The following PLEKHA6 variants were observed in gnomAD, a reference collection of about 807,000 sequenced individuals.
PLEKHA6 encodes the protein pleckstrin homology domain-containing family A member 6.
PLEKHA6 carries 60 observed loss-of-function variants against 116.7 expected under a neutral mutation model. The observed-to-expected ratio is 0.51, with a 90% confidence interval of 0.42 to 0.64. The LOEUF is 0.64. Ranked by LOEUF, PLEKHA6 falls within the 30% of genes least tolerant of loss-of-function variation. The probability of loss-of-function intolerance (pLI) is 0.00; values close to 1 mark genes in which losing one functional copy is unlikely to be tolerated. For synonymous variants in PLEKHA6, 489 were observed against 556.1 expected (o/e 0.88, Z 1.70); for missense variants, 1,338 against 1,422.7 (o/e 0.94, Z 0.96).
At chr1:204,310,341 A>G (rs1671612676) in intron 1 of PLEKHA6, among the ~76,000 whole-genome samples, 1 of 152,218 alleles carries the variant, frequency 6.6e-6, no homozygotes, top group Non-Finnish European at 1.5e-5. Flanking sequence ...TACTTCTATC[A>G]ATGTCAATGT....
At chr1:204,243,195 A>G (rs1663097538) in intron 15 of PLEKHA6, 2 of 399,244 alleles carry the variant, frequency 5.0e-6, no homozygotes, top group Admixed American at 4.4e-5. Flanking sequence ...TAGGGAGTGG[A>G]GGGACGGCTG....
At chr1:204,240,798 A>G (rs1662700400) in intron 17 of PLEKHA6, among the ~76,000 whole-genome samples, 2 of 152,208 alleles carry the variant, frequency 1.3e-5, no homozygotes, top group South Asian at 4.1e-4. Flanking sequence ...CAAAGTATTG[A>G]TCCTGGGTGT....
chr1:204,247,092 G>C (rs1663800917), intron 13 of PLEKHA6, among the ~76,000 whole-genome samples: 1 of 152,150 alleles, frequency 6.6e-6, no homozygotes, highest in African/African-American at 2.4e-5. Context: ...AGCTGTGACT[G>C]CGCCACTGCA....
chr1:204,266,848 C>A (rs1341475748), intron 5 of PLEKHA6, among the ~76,000 whole-genome samples: 1 of 152,220 alleles, frequency 6.6e-6, no homozygotes, highest in Non-Finnish European at 1.5e-5. Context: ...GCCACCATCA[C>A]TGACCTCAAC....
rs553050300 is a variant in PLEKHA6 at position 204,248,131 on chromosome 1, G to C, written c.1825-671C>G. 2.2e-3 allele frequency among the ~76,000 whole-genome samples: 334 copies of C among 149,324 alleles called. 1 individual carries two copies. The highest frequency in any genetic ancestry group is 4.0e-3 in the Non-Finnish European group (272 of 67,678). Reference sequence around the variant, plus strand: ...TCGGAAGGTCTGCCCTTACCTGCTGGGAAGTAGTGACCAGGGCAGCAGCCT... The same window carrying C: ...TCGGAAGGTCTGCCCTTACCTGCTGCGAAGTAGTGACCAGGGCAGCAGCCT... On this transcript the variant is annotated intron_variant, in intron 12 of 22. Transcript: ENST00000272203.
In PLEKHA6 at chr1:204,265,070, T is replaced by G. The variant is rs541518341; in HGVS notation, c.281-28A>C. 1.7e-4 allele frequency: 149 copies of G among 854,634 alleles called. No homozygotes were observed. In the African/African-American group the frequency reaches 2.6e-3, roughly 15 times the overall value. 52.9% of individuals were successfully genotyped at this position (854,634 alleles called of 1,614,324 possible). On this transcript the variant is annotated intron_variant, in intron 5 of 22. Coordinates refer to ENST00000272203, the MANE Select transcript of PLEKHA6 (RefSeq NM_014935.5). ...GTCAGGGAGAGAGGCACAAGAAGGG[T>G]GTGTGTGTGTGTGTGCAAGCGTGTG...
At chr1:204,269,447 T>C (rs868865053) in intron 3 of PLEKHA6, among the ~76,000 whole-genome samples, 4 of 140,502 alleles carry the variant, frequency 2.8e-5, no homozygotes, top group Non-Finnish European at 6.1e-5. Context: ...TGCTGGAGAA[T>C]AAAAAAAAAA....
rs1659634596 is a variant in PLEKHA6, at chr1:204,221,498, T to C, written c.*1290A>G. On this transcript the variant is annotated 3_prime_UTR_variant, in exon 23 of 23. Transcript: ENST00000272203. ...CTGCCCTCCCGGGGCAGGTGGATCA[T>C]GAGAGCGCCTAGCCTCAGCCAGTCC... is the stretch of plus-strand genomic sequence containing the variant. 1 of 152,626 alleles carries C rather than the reference T, an allele frequency of 6.6e-6. No individual in the cohort carries two copies. The highest frequency in any genetic ancestry group is 2.4e-5 in the African/African-American group (1 of 41,432). The allele number at this position is 152,626 out of a possible 1,614,324, so 9.5% of individuals were successfully genotyped here. A position where few individuals can be genotyped will look rare whatever the true frequency, so the allele number is the denominator to read the frequency against.
chr1:204,328,073 T>TATTC (rs1205114343), intron 1 of PLEKHA6, among the ~76,000 whole-genome samples: 2 of 150,198 alleles, frequency 1.3e-5, no homozygotes, highest in Non-Finnish European at 3.0e-5. Context: ...TTTATTTATT[T>TATTC]ATTTATTTAT....
At chr1:204,319,879 G>A (rs543919516) in intron 1 of PLEKHA6, among the ~76,000 whole-genome samples, 1 of 152,160 alleles carries the variant, frequency 6.6e-6, no homozygotes, top group African/African-American at 2.4e-5. Flanking sequence ...GAGGGAGGGA[G>A]GAAGAGTGGG....
intron 1 of PLEKHA6, among the ~76,000 whole-genome samples, chr1:204,308,680 TC>T: frequency 1.1e-5 from 1 of 90,130 alleles, no homozygotes; most frequent in African/African-American, 4.2e-5. Flanking sequence ...TAATTCTTTT[TC>T]TTTTTCTTTT....
chr1:204,230,354 G>A, intron 18 of PLEKHA6, 59 bp downstream of exon 18: 1 of 1,355,188 alleles, frequency 7.4e-7, no homozygotes, highest in Non-Finnish European at 1.0e-6. Context: ...CATGCCCTGG[G>A]AGTGGGCAGT....
At chr1:204,231,572 T>TC (rs1202265647) in intron 17 of PLEKHA6, among the ~76,000 whole-genome samples, 38 of 150,722 alleles carry the variant, frequency 2.5e-4, no homozygotes, top group African/African-American at 8.5e-4. Context: ...TTTCTTTCTT[T>TC]TTTTTTTTTT....
chr1:204,245,897 C>G (rs1289251259), intron 13 of PLEKHA6, among the ~76,000 whole-genome samples, 171 bp from the exon 14 acceptor site: 1 of 152,118 alleles, frequency 6.6e-6, no homozygotes, highest in South Asian at 2.1e-4. Context: ...CAGCAGTCAT[C>G]TTTCCCATGG....
chr1:204,335,563 T>C (rs1672618205), intron 1 of PLEKHA6, among the ~76,000 whole-genome samples: 1 of 152,048 alleles, frequency 6.6e-6, no homozygotes. Flanking sequence ...CCAGAGCAAC[T>C]GGGTTAAGGC....
intron 1 of PLEKHA6, among the ~76,000 whole-genome samples, chr1:204,310,773 A>T (rs1008365245): frequency 1.3e-5 from 2 of 152,194 alleles, no homozygotes; most frequent in African/African-American, 4.8e-5. Context: ...ACTCATCTAC[A>T]ATAAAAGCTA....
chr1:204,223,088 A>T lies in PLEKHA6; in HGVS notation c.*9-309T>A, dbSNP rs1659838532. On this transcript the variant is annotated intron_variant, in intron 22 of 22. Transcript: ENST00000272203. This position sits in a 1 kb window ranked among gnomAD's most constrained non-coding sequence, Gnocchi z 4.8. ...TTCTGAGGGCTTCTGAAGGTTCTGC[A>T]TCTGTGTATCTCAACAGATGGAAAG... Among the ~76,000 whole-genome samples, 1 of 152,194 alleles carries T rather than the reference A, an allele frequency of 6.6e-6. No homozygotes were observed. The highest frequency in any genetic ancestry group is 2.4e-5 in the African/African-American group (1 of 41,446).
At chr1:204,231,569 C>T (rs1469467303) in intron 17 of PLEKHA6, among the ~76,000 whole-genome samples, 5 of 138,954 alleles carry the variant, frequency 3.6e-5, no homozygotes, top group Admixed American at 7.2e-5. Context: ...TTTTTTCTTT[C>T]TTTTTTTTTT....
chr1:204,318,838 G>A (rs61817862), intron 1 of PLEKHA6, among the ~76,000 whole-genome samples: 2,569 of 152,206 alleles, frequency 0.017, 37 homozygotes, highest in South Asian at 0.025. Context: ...AGCACGTCTC[G>A]TTTCATTTTC....
Sources: gnomAD v4.1 joint callset for allele counts (sites outside exome capture counted in the v4.1 genomes callset) on GRCh38, gnomAD v4.1.1 for gene constraint, Gnocchi (gnomAD v3.1) non-coding constraint, MANE v1.5 for transcripts, NCBI Gene and HGNC (gene_info 2026-07-23, HGNC 2026-07-21) for gene names.